Variants in BIN1 observed in about 807,000 individuals in gnomAD.
BIN1 encodes the protein myc box-dependent-interacting protein 1.
Under a neutral mutation model 82.0 loss-of-function variants are expected in BIN1, and 53 were observed. The observed-to-expected ratio is 0.65, with a 90% confidence interval of 0.52 to 0.81. BIN1 has a LOEUF of 0.81. Ranked by LOEUF, BIN1 falls within the 40% of genes least tolerant of loss-of-function variation. BIN1 has a pLI of 0.00. For missense variants in BIN1, 642 were observed against 784.4 expected (o/e 0.82, Z 2.17); for synonymous variants, 302 against 328.0 (o/e 0.92, Z 0.86).
At chr2:127,100,917 G>A (rs954263335) in intron 1 of BIN1, among the ~76,000 whole-genome samples, 2 of 150,256 alleles carry the variant, frequency 1.3e-5, no homozygotes, top group South Asian at 2.1e-4. Context: ...CAGCCCCAGC[G>A]GCAGAGATCA....
Position 127,093,940 on chromosome 2 carries a change from C to T in BIN1, c.84+12920G>A, listed in dbSNP as rs1423123511. 6.6e-6 allele frequency among the ~76,000 whole-genome samples: 1 copy of T among 152,166 alleles called. No homozygotes were observed. Among genetic ancestry groups the T allele is most frequent in the African/African-American group, 2.4e-5 (1 of 41,442 alleles). ...GCCCCAGGCCTAAACTCAGACAGGA[C>T]GGCCCTAGAGGATACACACGGAGGG... On this transcript the variant is annotated intron_variant, in intron 1 of 18. Coordinates refer to ENST00000316724, the MANE Select transcript of BIN1 (RefSeq NM_139343.3). The surrounding 1 kb of genome is among the most constrained non-coding windows in gnomAD (Gnocchi z 5.7).
intron 2 of BIN1, among the ~76,000 whole-genome samples, chr2:127,073,254 C>T (rs976206234): frequency 1.3e-5 from 2 of 152,332 alleles, no homozygotes; most frequent in South Asian, 2.1e-4. Flanking sequence ...CGACGGAGGC[C>T]CCAGCCAGCT....
rs1030682073 is a variant in BIN1, at chr2:127,082,153, GC to G, written c.85-5448del. On this transcript the variant is annotated intron_variant, in intron 1 of 18. Transcript: ENST00000316724. The surrounding 1 kb of genome is among the most constrained non-coding windows in gnomAD (Gnocchi z 6.1). ...AAAGGCGAGCCTTCTCCCCACCCCC[GC>G]CCCCCACCTCTGGGTCCAGGCTCGC... Among the ~76,000 whole-genome samples, 1 of 142,206 alleles carries G rather than the reference GC, an allele frequency of 7.0e-6. No homozygotes were observed. The highest frequency in any genetic ancestry group is 1.5e-5 in the Non-Finnish European group (1 of 64,672). The allele number at this position is 142,206 out of a possible 152,430, so 93.3% of individuals were successfully genotyped here.
chr2:127,087,950 C>T (rs1678402437), intron 1 of BIN1, among the ~76,000 whole-genome samples: 1 of 152,218 alleles, frequency 6.6e-6, no homozygotes, highest in African/African-American at 2.4e-5. Context: ...TCTAGAAGGG[C>T]TACGCCCACC....
chr2:127,079,914 G>C (rs1037711676), intron 1 of BIN1, among the ~76,000 whole-genome samples: 1 of 152,220 alleles, frequency 6.6e-6, no homozygotes, highest in Non-Finnish European at 1.5e-5. Flanking sequence ...GCCCTGAGGG[G>C]TGACAGCAAG....
At chr2:127,081,237 G>GCACC (rs1461816452) in intron 1 of BIN1, among the ~76,000 whole-genome samples, 1 of 152,204 alleles carries the variant, frequency 6.6e-6, no homozygotes, top group East Asian at 1.9e-4. Context: ...ACCACGTACA[G>GCACC]CACCCACCCA....
At chr2:127,058,365 C>G (rs1325792568) in intron 11 of BIN1, among the ~76,000 whole-genome samples, 1 of 152,170 alleles carries the variant, frequency 6.6e-6, no homozygotes, top group African/African-American at 2.4e-5. Context: ...AGCAGCAGAG[C>G]AGGGCGGCAG....
chr2:127,057,432 C>T lies in BIN1; in HGVS notation c.1131+41G>A. 6.5e-7 allele frequency: 1 copy of T among 1,528,138 alleles called. No homozygotes were observed. Among genetic ancestry groups the T allele is most frequent in the African/African-American group, 1.4e-5 (1 of 72,710 alleles). 94.7% of individuals were successfully genotyped at this position (1,528,138 alleles called of 1,614,324 possible). A position where few individuals can be genotyped will look rare whatever the true frequency, so the allele number is the denominator to read the frequency against. On this transcript the variant is annotated intron_variant, in intron 12 of 18. Coordinates refer to ENST00000316724, the MANE Select transcript of BIN1 (RefSeq NM_139343.3). The surrounding 1 kb of genome is among the most constrained non-coding windows in gnomAD (Gnocchi z 5.0). ...GAAGGCCATGCACGCCCTGAGAGGG[C>T]AGGAAGAGAGGAGAGCTGGGCCGCG...
In BIN1 at chr2:127,048,567, G is replaced by A. The variant is rs147655157; in HGVS notation, c.1741C>T (p.Arg581Cys). The A allele has an allele frequency of 2.7e-5, 44 of 1,613,356 alleles. 1 individual carries two copies. The highest frequency in any genetic ancestry group is 6.6e-5 in the South Asian group (6 of 91,036). ...WNQHKELEKCRGVFPENFTER... is the reference protein window; with the variant it reads ...WNQHKELEKCCGVFPENFTER... ...GTGAAGTTCTCGGGGAAGACGCCAC[G>A]GCACTTCTCCAGCTCCTTGTGCTGG... is the stretch of plus-strand genomic sequence containing the variant. Residue 581 changes from arginine to cysteine, a missense_variant, in exon 19 of 19, where the codon CGT (arginine) becomes TGT (cysteine). Transcript: ENST00000316724.
intron 10 of BIN1, chr2:127,060,663 G>T: frequency 5.6e-6 from 9 of 1,614,032 alleles, no homozygotes; most frequent in Non-Finnish European, 7.6e-6. Flanking sequence ...ACGGGAGGTG[G>T]AGGCCTTCAT....
chr2:127,100,769 A>G (rs1680208842), intron 1 of BIN1, among the ~76,000 whole-genome samples: 2 of 152,122 alleles, frequency 1.3e-5, no homozygotes, highest in Admixed American at 6.5e-5. Context: ...AGCCTCTCAG[A>G]AGCCCGGGTG....
At chr2:127,069,856 G>T (rs901775695) in intron 5 of BIN1, 139 bp downstream of exon 5, 1 of 821,908 alleles carries the variant, frequency 1.2e-6, no homozygotes, top group Non-Finnish European at 2.0e-6. Flanking sequence ...GAGCAACCCC[G>T]GAGGGGTGAA....
rs753079936 is a variant in BIN1 at position 127,053,439 on chromosome 2, G to A, written c.1246C>T (p.Pro416Ser). 1 of 1,613,966 alleles carries A rather than the reference G, an allele frequency of 6.2e-7. No individual in the cohort carries two copies. The highest frequency in any genetic ancestry group is 1.7e-5 in the Admixed American group (1 of 60,000). The change falls in exon 14 of 19, where the codon CCA becomes TCA. Residue 416 changes from proline (P) to serine (S), a missense_variant. Coordinates refer to ENST00000316724, the MANE Select transcript of BIN1 (RefSeq NM_139343.3). ...CAGCTTACCTCCCAGAGGTCCCATG[G>A]AATTGACTGAGCGCAGCAGTGAGGG... ...KAPTPSGQSI[P>S]WDLWEPTESP... is the part of the protein sequence containing the mutation.
intron 1 of BIN1, among the ~76,000 whole-genome samples, chr2:127,102,160 G>A (rs529325460): frequency 2.6e-5 from 4 of 152,204 alleles, no homozygotes; most frequent in Non-Finnish European, 4.4e-5. Context: ...GCCTGTGCAC[G>A]CCTGTGCATG....
chr2:127,059,111 T>C lies in BIN1; in HGVS notation c.902A>G (p.Asp301Gly), dbSNP rs1259572705. ...AKGNKSPSPP[D>G]GSPAATPEIR... Reference sequence around the variant, plus strand: ...CTCGGGGGTGGCGGCAGGGGAGCCATCTGGAGGCGAAGGGCTCTTGTTCCC... The same window carrying C: ...CTCGGGGGTGGCGGCAGGGGAGCCACCTGGAGGCGAAGGGCTCTTGTTCCC... Residue 301 changes from aspartate (D) to glycine (G), a missense_variant, in exon 11 of 19, where the codon GAT (aspartate) becomes GGT (glycine). Physicochemically the swap from Asp to Gly is moderately conservative, Grantham distance 94 (BLOSUM62 -1). Transcript: ENST00000316724. This position sits in a 1 kb window ranked among gnomAD's most constrained non-coding sequence, Gnocchi z 6.7. 6.3e-7 allele frequency: 1 copy of C among 1,593,072 alleles called. No individual in the cohort carries two copies. The highest frequency in any genetic ancestry group is 1.1e-5 in the South Asian group (1 of 87,322).
intron 1 of BIN1, among the ~76,000 whole-genome samples, chr2:127,098,474 C>A (rs1679884672): frequency 6.6e-6 from 1 of 152,126 alleles, no homozygotes; most frequent in Non-Finnish European, 1.5e-5. Context: ...GTCATGAATG[C>A]CCACTCCCAG....
At chr2:127,056,488 G>C (rs1573564283) in intron 12 of BIN1, 3 of 152,610 alleles carry the variant, frequency 2.0e-5, no homozygotes, top group East Asian at 1.9e-4. Context: ...AGCGACCACT[G>C]TTCGCAGTTC....
At chr2:127,065,297 A>G (rs1451467279) in intron 7 of BIN1, among the ~76,000 whole-genome samples, 1 of 148,688 alleles carries the variant, frequency 6.7e-6, no homozygotes, top group Non-Finnish European at 1.5e-5. Context: ...TAAAGGCAGA[A>G]TGGGGAGCGG....
At chr2:127,104,342 C>CA in intron 1 of BIN1, among the ~76,000 whole-genome samples, 2 of 152,242 alleles carry the variant, frequency 1.3e-5, no homozygotes, top group Middle Eastern at 6.8e-3. Flanking sequence ...TAACAACAGT[C>CA]AAAAAAGAGC....
Sources: allele counts gnomAD v4.1 joint callset (sites outside exome capture counted in the v4.1 genomes callset), GRCh38; gene constraint gnomAD v4.1.1; non-coding constraint Gnocchi (gnomAD v3.1); transcripts MANE v1.5; gene names NCBI Gene and HGNC (gene_info 2026-07-23, HGNC 2026-07-21).